Variants in LIMCH1 observed in about 807,000 individuals in gnomAD.
LIMCH1 encodes LIM and calponin homology domains 1.
A neutral mutation model predicts 176.5 loss-of-function variants in LIMCH1; 113 were observed. The observed-to-expected ratio is 0.64, with a 90% CI of 0.55 to 0.75. LIMCH1 has a LOEUF of 0.75. Ranked by LOEUF, LIMCH1 falls within the 30% of genes least tolerant of loss-of-function variation. LIMCH1 has a pLI of 0.00. For missense variants in LIMCH1, 1,674 were observed against 1,814.9 expected, an observed-to-expected ratio of 0.92 and a Z score of 1.41; for synonymous variants, 619 against 645.9, an observed-to-expected ratio of 0.96 and a Z score of 0.63.
chr4:41,376,842 C>T (rs951868293), intron 1 of LIMCH1, among the ~76,000 whole-genome samples: 1 of 151,916 alleles, frequency 6.6e-6, no homozygotes, highest in Non-Finnish European at 1.5e-5. Context: ...TATGGGTTTC[C>T]TTTTGGGGTG....
At chr4:41,590,744 C>T (rs1295481860) in intron 1 of LIMCH1, among the ~76,000 whole-genome samples, 1 of 152,200 alleles carries the variant, frequency 6.6e-6, no homozygotes, top group Admixed American at 6.5e-5. Context: ...GAATGAGTTG[C>T]TCTTTTCTCT....
At chr4:41,486,918 A>G (rs1475106745) in intron 1 of LIMCH1, among the ~76,000 whole-genome samples, 6 of 151,380 alleles carry the variant, frequency 4.0e-5, no homozygotes. Context: ...AGTAGCTGGG[A>G]TTACAGATGC....
chr4:41,671,079 A>G (rs1481186450), intron 21 of LIMCH1: 1 of 749,328 alleles, frequency 1.3e-6, no homozygotes. Flanking sequence ...AAAAAGATTA[A>G]AAGCATTTAC....
chr4:41,645,822 G>A (rs1386786954), intron 15 of LIMCH1, among the ~76,000 whole-genome samples: 4 of 152,244 alleles, frequency 2.6e-5, no homozygotes, highest in Non-Finnish European at 4.4e-5. Context: ...GTTACCTTGT[G>A]AGGCAATTCT....
intron 1 of LIMCH1, among the ~76,000 whole-genome samples, chr4:41,472,399 C>G (rs951427028): frequency 6.9e-6 from 1 of 145,370 alleles, no homozygotes; most frequent in Non-Finnish European, 1.5e-5. Context: ...ATTCCTCTCT[C>G]TCTCTCTTTC....
intron 1 of LIMCH1, among the ~76,000 whole-genome samples, chr4:41,369,859 C>T (rs545169454): frequency 1.3e-5 from 2 of 151,108 alleles, no homozygotes; most frequent in South Asian, 4.2e-4. Context: ...AGTCTGTGCC[C>T]AGCTACGGTT....
chr4:41,422,600 C>T (rs536750094), intron 1 of LIMCH1, among the ~76,000 whole-genome samples: 3 of 151,986 alleles, frequency 2.0e-5, no homozygotes, highest in African/African-American at 7.3e-5. Context: ...TACTTGATAC[C>T]TTTTTCCTTC....
At chr4:41,467,156 TATACACACACAC>T (rs2066250922) in intron 1 of LIMCH1, among the ~76,000 whole-genome samples, 1 of 100,242 alleles carries the variant, frequency 1.0e-5, no homozygotes, top group Non-Finnish European at 1.9e-5. Flanking sequence ...TGTATGTATA[TATACACACACAC>T]ACACACACAC....
At chr4:41,378,163 C>CA (rs1178052342) in intron 1 of LIMCH1, among the ~76,000 whole-genome samples, 1 of 152,252 alleles carries the variant, frequency 6.6e-6, no homozygotes, top group East Asian at 1.9e-4. Flanking sequence ...TGGGAAGCAG[C>CA]AGAGCTGGGA....
At chr4:41,554,057 T>G (rs998239767) in intron 1 of LIMCH1, among the ~76,000 whole-genome samples, 9 of 152,206 alleles carry the variant, frequency 5.9e-5, no homozygotes, top group African/African-American at 2.2e-4. Flanking sequence ...CATGGTTGGC[T>G]TCAATCCTTA....
chr4:41,511,131 C>T (rs1035631670), intron 2 of LIMCH1, among the ~76,000 whole-genome samples: 4 of 152,232 alleles, frequency 2.6e-5, no homozygotes, highest in East Asian at 3.9e-4. Flanking sequence ...TTGCCTAGAA[C>T]GTGGTGTCCC....
At position 41,650,513 on chromosome 4, in the gene LIMCH1, G is replaced by A; in HGVS notation, c.2941G>A (p.Ala981Thr). 6.2e-7 allele frequency: 1 copy of A among 1,614,102 alleles called. No individual in the cohort carries two copies. Among genetic ancestry groups the A allele is most frequent in the Non-Finnish European group, 8.5e-7 (1 of 1,180,032 alleles). Residue 981 changes from alanine to threonine, a missense_variant, in exon 18 of 32, where the codon GCC (alanine) becomes ACC (threonine). Physicochemically the swap from Ala to Thr is moderately conservative, Grantham distance 58. Transcript: ENST00000503057. ...CAAATCCCAGATGTTTGAAGGTGTGGCCAGAGTGCACGGGTCTCCACTGGA... is the reference window on the plus strand; with the variant it reads ...CAAATCCCAGATGTTTGAAGGTGTGACCAGAGTGCACGGGTCTCCACTGGA... ...LTKSQMFEGV[A>T]RVHGSPLELK...
intron 31 of LIMCH1, among the ~76,000 whole-genome samples, 181 bp from the exon 32 acceptor site, chr4:41,696,979 A>C (rs1731181680): frequency 6.6e-6 from 1 of 152,154 alleles, no homozygotes; most frequent in Non-Finnish European, 1.5e-5. Context: ...AACAGACTCC[A>C]GGTGATGCCA....
chr4:41,459,789 G>A (rs981160221), intron 1 of LIMCH1, among the ~76,000 whole-genome samples: 1 of 152,144 alleles, frequency 6.6e-6, no homozygotes, highest in Non-Finnish European at 1.5e-5. Context: ...CAGAGACAGG[G>A]GCTGCTAAGT....
At chr4:41,449,994 T>C (rs2063693105) in intron 1 of LIMCH1, among the ~76,000 whole-genome samples, 1 of 152,186 alleles carries the variant, frequency 6.6e-6, no homozygotes, top group African/African-American at 2.4e-5. Context: ...ACCAGTCACA[T>C]TGGATTAGAG....
At position 41,579,680 on chromosome 4, in the gene LIMCH1, T is replaced by C. The variant is rs556080592; in HGVS notation, c.-240-19240T>C. Among the ~76,000 whole-genome samples the C allele has an allele frequency of 9.2e-5, 14 of 152,334 alleles. No homozygotes were observed. In the South Asian group the frequency reaches 2.9e-3, roughly 32 times the overall value. On this transcript the variant is annotated intron_variant, in intron 1 of 31. Transcript: ENST00000503057. ...ACACTGCTGAGTGTAACAGCAAAAT[T>C]GCTTTAAGTCTTTTCTCTCCTCCCC...
At chr4:41,369,636 CT>C (rs201782535) in intron 1 of LIMCH1, among the ~76,000 whole-genome samples, 2 of 151,954 alleles carry the variant, frequency 1.3e-5, no homozygotes, top group Non-Finnish European at 2.9e-5. Flanking sequence ...CAGTTTTTGC[CT>C]TTTTTTTAGA....
chr4:41,681,155 TA>T, intron 25 of LIMCH1, 96 bp downstream of exon 25: 1 of 680,880 alleles, frequency 1.5e-6, no homozygotes, highest in Non-Finnish European at 2.6e-6. Context: ...CTCACTAGTT[TA>T]AATCCAAGAC....
In LIMCH1 at chr4:41,626,822, G is replaced by T. The variant is rs1337877355; in HGVS notation, c.840G>T (p.Val280=). The T allele has an allele frequency of 2.0e-6, 3 of 1,536,112 alleles. No individual in the cohort carries two copies. Among genetic ancestry groups the T allele is most frequent in the Non-Finnish European group, 2.6e-6 (3 of 1,146,930 alleles). Residue 280 remains valine, a synonymous_variant, in exon 8 of 32, where the codon GTG becomes GTT. Coordinates refer to ENST00000503057, the MANE Select transcript of LIMCH1 (RefSeq NM_001330672.2). ...ATTCAGAGGCAGAAGGTGAAGTTGT[G>T]TGTCGACTGCCTGATCTTGAGAAGG... The part of the protein sequence containing the change: ...GNDSEAEGEV[V]CRLPDLEKDD...
Sources: gnomAD v4.1 joint callset for allele counts (sites outside exome capture counted in the v4.1 genomes callset) on GRCh38, gnomAD v4.1.1 for gene constraint, MANE v1.5 for transcripts, NCBI Gene and HGNC (gene_info 2026-07-23, HGNC 2026-07-21) for gene names.